Variants in PMPCA observed in about 807,000 individuals in gnomAD.
PMPCA encodes the protein peptidase, mitochondrial processing subunit alpha, also known as mitochondrial-processing peptidase subunit alpha.
Under a neutral mutation model 59.3 loss-of-function variants are expected in PMPCA, and 47 were observed. The ratio of observed to expected loss-of-function variants is 0.79; its 90% CI spans 0.63 to 1.01. The LOEUF is 1.01. Among genes scored for constraint, PMPCA ranks in the 50% least tolerant of loss-of-function variants. PMPCA has a pLI of 0.00. For synonymous variants in PMPCA, 338 were observed against 290.3 expected (o/e 1.16, Z -1.67); for missense variants, 726 against 704.5 (o/e 1.03, Z -0.34).
rs1011410788 is a variant in PMPCA, at chr9:136,418,499, C to T, written c.991-56C>T. On this transcript the variant is annotated intron_variant, in intron 8 of 12. Coordinates refer to ENST00000371717, the MANE Select transcript of PMPCA (RefSeq NM_015160.3). ...TCTGCCCTCCGTCCCTGGCGTCTGA[C>T]GGTGCTCCTGACGTGGCGTGGGTGG... 2.1e-4 allele frequency: 228 copies of T among 1,099,894 alleles called. 1 individual carries two copies. Among genetic ancestry groups the T allele is most frequent in the Non-Finnish European group, 2.7e-4 (197 of 719,902 alleles). 68.1% of individuals were successfully genotyped at this position (1,099,894 alleles called of 1,614,324 possible). A position where few individuals can be genotyped will look rare whatever the true frequency, so the allele number is the denominator to read the frequency against.
At chr9:136,415,953 C>T (rs1564421200) in intron 5 of PMPCA, 2 of 338,520 alleles carry the variant, frequency 5.9e-6, no homozygotes, top group Non-Finnish European at 1.1e-5. Context: ...TTTCTAAGCA[C>T]CTTCATGTCT....
At chr9:136,417,441 T>C (rs530387557) in intron 7 of PMPCA, among the ~76,000 whole-genome samples, 1 of 151,334 alleles carries the variant, frequency 6.6e-6, no homozygotes, top group South Asian at 2.1e-4. Flanking sequence ...GTTCTTTCTC[T>C]AGGGGAGTGG....
At chr9:136,415,878 C>T (rs1835259068) in intron 5 of PMPCA, among the ~76,000 whole-genome samples, 1 of 152,212 alleles carries the variant, frequency 6.6e-6, no homozygotes. Context: ...GGTGATCCAC[C>T]CACCTCGGCC....
At chr9:136,417,959 G>T in intron 7 of PMPCA, 58 bp from the exon 8 acceptor site, 4 of 1,211,796 alleles carry the variant, frequency 3.3e-6, no homozygotes, top group East Asian at 2.3e-5. Context: ...CTCATCTGGG[G>T]TTTGCGAGCC....
chr9:136,411,126 C>T (rs1588804709), intron 1 of PMPCA: 1 of 205,472 alleles, frequency 4.9e-6, no homozygotes, highest in Non-Finnish European at 9.7e-6. Flanking sequence ...TCGGTTGCTG[C>T]GGTCTGTCCG....
rs947224785 is a variant in PMPCA at position 136,423,521 on chromosome 9, G to A, written c.*257G>A. The stretch of plus-strand genomic sequence containing the variant: ...CTGGAGTGCAGCGTGCCACGAGGAG[G>A]GCGGTCGGTGCTTCCCTCCTCGGGC... On this transcript the variant is annotated 3_prime_UTR_variant, in exon 13 of 13. Coordinates refer to ENST00000371717, the MANE Select transcript of PMPCA (RefSeq NM_015160.3). 2.8e-5 allele frequency: 13 copies of A among 457,080 alleles called. No individual in the cohort carries two copies. The highest frequency in any genetic ancestry group is 2.1e-4 in the Admixed American group (6 of 28,860). 28.3% of individuals were successfully genotyped at this position (457,080 alleles called of 1,614,324 possible).
At position 136,423,468 on chromosome 9, in the gene PMPCA, A is replaced by T; in HGVS notation, c.*204A>T. On this transcript the variant is annotated 3_prime_UTR_variant, in exon 13 of 13. Coordinates refer to ENST00000371717, the MANE Select transcript of PMPCA (RefSeq NM_015160.3). The stretch of plus-strand genomic sequence containing the variant: ...GTCAGTATCGAGCCTGACCACCGCA[A>T]GCCAGGAAGCAGGTGAAGTGCCCAG... 1 of 581,660 alleles carries T rather than the reference A, an allele frequency of 1.7e-6. No homozygotes were observed. Among genetic ancestry groups the T allele is most frequent in the Non-Finnish European group, 3.0e-6 (1 of 330,914 alleles). The allele number at this position is 581,660 out of a possible 1,614,324, so 36.0% of individuals were successfully genotyped here.
rs369695887 is a variant in PMPCA at position 136,419,093 on chromosome 9, G to A, written c.1250G>A (p.Gly417Glu). ...ACAAAGGAGTTTATTTTAATGGGCG[G>A]AACCGTGGACACGGTAAGTGCAGTG... ...IITKEFILMG[G>E]TVDTVELERA... Residue 417 changes from glycine to glutamate, a missense_variant, in exon 11 of 13, where the codon GGA (glycine) becomes GAA (glutamate). Coordinates refer to ENST00000371717, the MANE Select transcript of PMPCA (RefSeq NM_015160.3). 1 of 1,613,814 alleles carries A rather than the reference G, an allele frequency of 6.2e-7. No individual in the cohort carries two copies. The highest frequency in any genetic ancestry group is 8.5e-7 in the Non-Finnish European group (1 of 1,179,648).
intron 12 of PMPCA, 99 bp downstream of exon 12, chr9:136,422,075 G>A (rs1376425468): frequency 1.3e-6 from 2 of 1,547,690 alleles, no homozygotes; most frequent in East Asian, 2.5e-5. Flanking sequence ...CCTGTGGTAT[G>A]TCCATCACAC....
intron 10 of PMPCA, 28 bp downstream of exon 10, chr9:136,418,946 A>G (rs746270120): frequency 6.8e-6 from 11 of 1,609,120 alleles, no homozygotes; most frequent in African/African-American, 2.7e-5. Flanking sequence ...CACCGTCCTC[A>G]GTGCGGTTGC....
intron 11 of PMPCA, chr9:136,420,582 G>A (rs540518601): frequency 1.3e-5 from 2 of 152,370 alleles, no homozygotes; most frequent in South Asian, 4.1e-4. Context: ...AAAGTGCTGG[G>A]ATTACTTTGG....
intron 12 of PMPCA, 71 bp downstream of exon 12, chr9:136,422,047 C>T (rs1342872890): frequency 1.3e-6 from 2 of 1,554,078 alleles, no homozygotes; most frequent in South Asian, 2.4e-5. Flanking sequence ...GTCTCGCCCT[C>T]CCGCAGGCCG....
At position 136,419,350 on chromosome 9, in the gene PMPCA, C is replaced by A; in HGVS notation, c.1263+244C>A. ...AAACAGAAAAACAGACCACCGCCCT[C>A]CCCCAGTGCTCGGTCCACTACTTCT... On this transcript the variant is annotated intron_variant, in intron 11 of 12. Transcript: ENST00000371717. The A allele has an allele frequency of 5.1e-6, 3 of 592,390 alleles. No homozygotes were observed. In the Admixed American group the frequency reaches 8.5e-5, roughly 17 times the overall value. 36.7% of individuals were successfully genotyped at this position (592,390 alleles called of 1,614,324 possible).
At chr9:136,417,749 C>A (rs1033926503) in intron 7 of PMPCA, among the ~76,000 whole-genome samples, 45 of 151,968 alleles carry the variant, frequency 3.0e-4, no homozygotes, top group African/African-American at 9.9e-4. Flanking sequence ...CCACCACGCC[C>A]AGCTTATATG....
rs533158876 is a variant in PMPCA, at chr9:136,418,900, C to T, written c.1182C>T (p.Ala394=). The part of the protein sequence containing the change: ...YEDTGLLCIH[A]SADPRQVREM... ...ACACTGGCCTCCTTTGCATCCATGC[C>T]AGCGCCGACCCAAGACAGGTGAGGG... is the stretch of plus-strand genomic sequence containing the variant. Residue 394 remains alanine (A), a synonymous_variant, in exon 10 of 13, where the codon GCC becomes GCT. Coordinates refer to ENST00000371717, the MANE Select transcript of PMPCA (RefSeq NM_015160.3). 1 of 1,613,772 alleles carries T rather than the reference C, an allele frequency of 6.2e-7. No homozygotes were observed. The highest frequency in any genetic ancestry group is 2.2e-5 in the East Asian group (1 of 44,866).
At chr9:136,422,778 T>G in intron 12 of PMPCA, 1 of 1,127,148 alleles carries the variant, frequency 8.9e-7, no homozygotes, top group Non-Finnish European at 1.1e-6. Flanking sequence ...GGCTGGGGGT[T>G]TTTTCTGCAG....
Position 136,418,564 on chromosome 9 carries a change from T to A in PMPCA, c.1000T>A (p.Phe334Ile), listed in dbSNP as rs930117382. The A allele has an allele frequency of 5.0e-6, 8 of 1,609,054 alleles. No homozygotes were observed. Among genetic ancestry groups the A allele is most frequent in the Non-Finnish European group, 6.8e-6 (8 of 1,175,480 alleles). ...LESCSFLEED[F>I]IPFAVLNMMM... ...CCCTCCGTCCCTGCAGGAGGAGGAC[T>A]TCATCCCCTTTGCAGTGTTGAACAT... is the stretch of plus-strand genomic sequence containing the variant. The change falls in exon 9 of 13, where the codon TTC (phenylalanine) becomes ATC (isoleucine). Residue 334 changes from phenylalanine (F) to isoleucine (I), a missense_variant. Coordinates refer to ENST00000371717, the MANE Select transcript of PMPCA (RefSeq NM_015160.3).
intron 6 of PMPCA, 163 bp downstream of exon 6, chr9:136,416,554 C>T (rs904100359): frequency 1.5e-6 from 1 of 683,450 alleles, no homozygotes; most frequent in Non-Finnish European, 2.7e-6. Flanking sequence ...ATTGCCTACG[C>T]TGGTCTTGCA....
chr9:136,421,760 C>G, intron 11 of PMPCA, 72 bp from the exon 12 acceptor site: 1 of 1,394,186 alleles, frequency 7.2e-7, no homozygotes, highest in Admixed American at 2.1e-5. Flanking sequence ...TGGCGTTTTG[C>G]CATTGCTCGA....
Sources: allele counts gnomAD v4.1 joint callset (sites outside exome capture counted in the v4.1 genomes callset), GRCh38; gene constraint gnomAD v4.1.1; transcripts MANE v1.5; gene names NCBI Gene and HGNC (gene_info 2026-07-23, HGNC 2026-07-21).